CYP20A1: variants seen among roughly 807,000 people sequenced by gnomAD.
The protein encoded by CYP20A1 is cytochrome P450 family 20 subfamily A member 1, also known as cytochrome P450 20A1.
In CYP20A1, 61 loss-of-function variants were observed where a neutral mutation model predicts 61.4. That is an observed-to-expected ratio of 0.99 (90% confidence interval 0.81 to 1.23). The LOEUF is 1.23. Among genes scored for constraint, CYP20A1 ranks in the 50% most tolerant of loss-of-function variants. The probability of loss-of-function intolerance (pLI) is 0.00; values close to 1 mark genes in which losing one functional copy is unlikely to be tolerated. For synonymous variants in CYP20A1, 193 were observed against 188.2 expected (o/e 1.03, Z -0.21); for missense variants, 530 against 542.4 (o/e 0.98, Z 0.23).
chr2:203,289,711 A>G (rs1166375690), intron 9 of CYP20A1, 54 bp from the exon 10 acceptor site: 16 of 971,966 alleles, frequency 1.6e-5, no homozygotes, highest in Non-Finnish European at 2.5e-5. Context: ...ATGTATGTAC[A>G]TTTCTAACTG....
intron 11 of CYP20A1, among the ~76,000 whole-genome samples, chr2:203,293,247 G>A (rs1234027390): frequency 8.5e-6 from 1 of 117,608 alleles, no homozygotes; most frequent in Middle Eastern, 7.7e-3. Context: ...ATGGAGTCTC[G>A]CTCTGTCGCC....
chr2:203,258,437 C>A (rs2067005563), intron 4 of CYP20A1, among the ~76,000 whole-genome samples: 1 of 151,480 alleles, frequency 6.6e-6, no homozygotes, highest in African/African-American at 2.4e-5. Context: ...TGCCATTTTT[C>A]CCATATGGAA....
intron 5 of CYP20A1, among the ~76,000 whole-genome samples, chr2:203,267,985 C>G (rs1356356252): frequency 1.3e-5 from 2 of 152,074 alleles, no homozygotes; most frequent in African/African-American, 4.8e-5. Flanking sequence ...TTTCAAACTT[C>G]CAGAAAAGTT....
In CYP20A1 at chr2:203,292,361, A is replaced by C. The variant is rs986834986; in HGVS notation, c.1148+35A>C. The C allele has an allele frequency of 2.0e-6, 3 of 1,523,798 alleles. No homozygotes were observed. In the South Asian group the frequency reaches 3.4e-5, roughly 17 times the overall value. The allele number at this position is 1,523,798 out of a possible 1,614,324, so 94.4% of individuals were successfully genotyped here. On this transcript the variant is annotated intron_variant, in intron 11 of 12. Coordinates refer to ENST00000356079, the MANE Select transcript of CYP20A1 (RefSeq NM_177538.3). ...ATTTGTCATTGTATTTGTGACTGTC[A>C]GTTTTTGTGTTTGCACGTTTTGCAT...
At chr2:203,269,853 T>C (rs1197160742) in intron 5 of CYP20A1, among the ~76,000 whole-genome samples, 1 of 152,178 alleles carries the variant, frequency 6.6e-6, no homozygotes, top group Non-Finnish European at 1.5e-5. Flanking sequence ...GGTCTCGAAC[T>C]CCTGACCTCA....
At chr2:203,262,828 A>G (rs2152071387) in intron 4 of CYP20A1, among the ~76,000 whole-genome samples, 1 of 151,462 alleles carries the variant, frequency 6.6e-6, no homozygotes, top group Admixed American at 6.6e-5. Flanking sequence ...AGCTGGGACT[A>G]CAGGTGCCTG....
chr2:203,276,849 T>C (rs1358910839), intron 6 of CYP20A1, among the ~76,000 whole-genome samples: 1 of 152,116 alleles, frequency 6.6e-6, no homozygotes, highest in African/African-American at 2.4e-5. Context: ...TATATTGCAC[T>C]GAAAGCCTTG....
In CYP20A1 at chr2:203,299,723, A is replaced by G. The variant is rs1279362657; in HGVS notation, c.*2815A>G. On this transcript the variant is annotated 3_prime_UTR_variant, in exon 13 of 13. Transcript: ENST00000356079. ...AACCCCGTCTCTACTAAAAATACAA[A>G]ATTAGCCAGGCTTGGTGGTGCATGC... Among the ~76,000 whole-genome samples the G allele has an allele frequency of 6.6e-6, 1 of 152,006 alleles. No homozygotes were observed. The highest frequency in any genetic ancestry group is 2.4e-5 in the African/African-American group (1 of 41,410).
At chr2:203,251,312 T>G (rs1406004206) in intron 3 of CYP20A1, among the ~76,000 whole-genome samples, 2 of 151,536 alleles carry the variant, frequency 1.3e-5, no homozygotes, top group Non-Finnish European at 2.9e-5. Context: ...AACTTATCCA[T>G]TTTGCTTTAA....
chr2:203,241,300 A>G (rs2066246627), intron 1 of CYP20A1, among the ~76,000 whole-genome samples: 1 of 152,212 alleles, frequency 6.6e-6, no homozygotes, highest in Non-Finnish European at 1.5e-5. Context: ...CCTGTTAGAC[A>G]TTCAAGTGGA....
intron 5 of CYP20A1, among the ~76,000 whole-genome samples, chr2:203,268,914 C>G (rs1055733453): frequency 1.3e-5 from 2 of 152,092 alleles, no homozygotes; most frequent in Non-Finnish European, 2.9e-5. Flanking sequence ...GAGCCAATGA[C>G]GACTGCATCA....
rs556895146 is a variant in CYP20A1 at position 203,256,102 on chromosome 2, T to C, written c.432+3993T>C. Reference sequence around the variant, plus strand: ...CCCCAGCCGCCTGAGTAGCTGGGATTACAGGCATGTGCCACCATGCCTGGC... The same window carrying C: ...CCCCAGCCGCCTGAGTAGCTGGGATCACAGGCATGTGCCACCATGCCTGGC... On this transcript the variant is annotated intron_variant, in intron 4 of 12. Coordinates refer to ENST00000356079, the MANE Select transcript of CYP20A1 (RefSeq NM_177538.3). 8.5e-5 allele frequency among the ~76,000 whole-genome samples: 13 copies of C among 152,220 alleles called. No individual in the cohort carries two copies. The South Asian group carries it at 1.0e-3, about 12-fold the overall frequency.
chr2:203,295,774 C>T (rs2068765618), intron 11 of CYP20A1, among the ~76,000 whole-genome samples: 1 of 151,878 alleles, frequency 6.6e-6, no homozygotes, highest in Non-Finnish European at 1.5e-5. Flanking sequence ...CATGGTGAAA[C>T]CCCGTCTCTA....
In CYP20A1 at chr2:203,285,597, T is replaced by G. The variant is rs924947216; in HGVS notation, c.851-15T>G. ...TTAGCTATTTTCATTGTTATTCATA[T>G]AATGTTTGACCTAGTGTGTACCTGG... On this transcript the variant is annotated splice_polypyrimidine_tract_variant and intron_variant, in intron 8 of 12. Coordinates refer to ENST00000356079, the MANE Select transcript of CYP20A1 (RefSeq NM_177538.3). 9.0e-6 allele frequency: 14 copies of G among 1,547,316 alleles called. No individual in the cohort carries two copies. The African/African-American group carries it at 1.8e-4, about 20-fold the overall frequency.
intron 1 of CYP20A1, among the ~76,000 whole-genome samples, chr2:203,241,814 G>A (rs143690686): frequency 1.4e-4 from 21 of 152,202 alleles, no homozygotes; most frequent in African/African-American, 4.8e-4. Flanking sequence ...ACATGCTCAT[G>A]CCACCACACC....
intron 11 of CYP20A1, among the ~76,000 whole-genome samples, chr2:203,294,680 G>T (rs2068697700): frequency 6.6e-6 from 1 of 151,908 alleles, no homozygotes; most frequent in Non-Finnish European, 1.5e-5. Context: ...CTGTTGCCAG[G>T]CTGGAGTGCA....
Position 203,280,108 on chromosome 2 carries a change from C to G in CYP20A1, c.845C>G (p.Ala282Gly), listed in dbSNP as rs1406328565. 6.2e-7 allele frequency: 1 copy of G among 1,603,110 alleles called. No individual in the cohort carries two copies. Among genetic ancestry groups the G allele is most frequent in the Non-Finnish European group, 8.5e-7 (1 of 1,174,324 alleles). The change falls in exon 8 of 13, where the codon GCA becomes GGA. Residue 282 changes from alanine (A) to glycine (G), a missense_variant. By Grantham distance (60) the Ala-to-Gly change is moderately conservative (BLOSUM62 0). Transcript: ENST00000356079. Reference sequence around the variant, plus strand: ...TCTCTGGCCAGTTGCATAATAACTGCAAAATGTAAGTATAAATTGATTTCT... The same window carrying G: ...TCTCTGGCCAGTTGCATAATAACTGGAAAATGTAAGTATAAATTGATTTCT... ...IFSLASCIIT[A>G]KLCTWAICFL...
Position 203,278,646 on chromosome 2 carries a change from T to A in CYP20A1, c.753T>A (p.Ile251=), listed in dbSNP as rs1575238669. 1 of 1,603,164 alleles carries A rather than the reference T, an allele frequency of 6.2e-7. No homozygotes were observed. The highest frequency in any genetic ancestry group is 8.5e-7 in the Non-Finnish European group (1 of 1,173,114). ...AAGGAAGGAACTTCAGTCAACATATTTTCATTGACTCCTTAGTACAAGGGA... is the reference window on the plus strand; with the variant it reads ...AAGGAAGGAACTTCAGTCAACATATATTCATTGACTCCTTAGTACAAGGGA... ...ERKGRNFSQH[I]FIDSLVQGNL... Residue 251 remains isoleucine, a synonymous_variant, in exon 7 of 13, where the codon ATT becomes ATA. Transcript: ENST00000356079.
intron 4 of CYP20A1, among the ~76,000 whole-genome samples, chr2:203,258,982 G>A (rs542368004): frequency 6.6e-6 from 1 of 152,274 alleles, no homozygotes; most frequent in South Asian, 2.1e-4. Context: ...AATCATGATA[G>A]AAGCACCTTT....
Sources: gnomAD v4.1 joint callset for allele counts (sites outside exome capture counted in the v4.1 genomes callset) on GRCh38, gnomAD v4.1.1 for gene constraint, MANE v1.5 for transcripts, NCBI Gene and HGNC (gene_info 2026-07-23, HGNC 2026-07-21) for gene names.